The following ZFAT variants were observed in gnomAD, a reference collection of about 807,000 sequenced individuals.
ZFAT encodes zinc finger protein ZFAT.
A neutral mutation model predicts 117.7 loss-of-function variants in ZFAT; 64 were observed. That is an observed-to-expected ratio of 0.54 (90% CI 0.44 to 0.67). The LOEUF (loss-of-function observed/expected upper bound fraction) is 0.67. Among genes scored for constraint, ZFAT ranks in the 30% least tolerant of loss-of-function variants. ZFAT has a pLI of 0.00. For synonymous variants in ZFAT, 679 were observed against 615.0 expected (o/e 1.10, Z -1.54); for missense variants, 1,433 against 1,584.5 (o/e 0.90, Z 1.62).
intron 1 of ZFAT, among the ~76,000 whole-genome samples, chr8:134,707,831 G>A (rs1813841826): frequency 6.6e-6 from 1 of 152,188 alleles, no homozygotes; most frequent in South Asian, 2.1e-4. Flanking sequence ...GCAGCTCCAT[G>A]TATTACATGA....
the ZFAT span, among the ~76,000 whole-genome samples, chr8:134,728,488 T>C: frequency 6.6e-6 from 1 of 152,134 alleles, no homozygotes; most frequent in Non-Finnish European, 1.5e-5. Context: ...TAGCTAATCT[T>C]CTTAGCAATC....
intron 3 of ZFAT, among the ~76,000 whole-genome samples, chr8:134,615,359 G>GT (rs888806234): frequency 6.6e-6 from 1 of 152,066 alleles, no homozygotes; most frequent in Non-Finnish European, 1.5e-5. Context: ...GCTGATTTTT[G>GT]TATTTTTTTA....
At chr8:134,480,622 T>C (rs1167441981) in intron 15 of ZFAT, among the ~76,000 whole-genome samples, 2 of 152,150 alleles carry the variant, frequency 1.3e-5, no homozygotes, top group Non-Finnish European at 2.9e-5. Context: ...CCTATGCCAG[T>C]TGGGGTCCCA....
At chr8:134,575,843 C>T (rs1825259039) in intron 10 of ZFAT, among the ~76,000 whole-genome samples, 1 of 152,364 alleles carries the variant, frequency 6.6e-6, no homozygotes, top group Admixed American at 6.5e-5. Flanking sequence ...CTTCACAGTT[C>T]TAGCATCTGT....
intron 10 of ZFAT, among the ~76,000 whole-genome samples, chr8:134,566,915 C>A (rs890919030): frequency 1.3e-5 from 2 of 152,152 alleles, no homozygotes; most frequent in African/African-American, 4.8e-5. Context: ...TTCTGAGTAC[C>A]CCTGAGGCAT....
At chr8:134,619,740 G>T (rs1303575385) in intron 3 of ZFAT, among the ~76,000 whole-genome samples, 1 of 152,184 alleles carries the variant, frequency 6.6e-6, no homozygotes, top group Non-Finnish European at 1.5e-5. Context: ...AGCCACTCAG[G>T]ACGCTGCACA....
chr8:134,623,104 A>C (rs1436305106), intron 3 of ZFAT, among the ~76,000 whole-genome samples: 1 of 151,348 alleles, frequency 6.6e-6, no homozygotes, highest in Non-Finnish European at 1.5e-5. Flanking sequence ...CTCCATTCCC[A>C]TTTTCATTCC....
intron 5 of ZFAT, among the ~76,000 whole-genome samples, chr8:134,605,478 G>A (rs1353508894): frequency 6.6e-6 from 1 of 151,766 alleles, no homozygotes; most frequent in Admixed American, 6.6e-5. Flanking sequence ...CCCAGGGGGT[G>A]GAGCTTGCAG....
intron 5 of ZFAT, among the ~76,000 whole-genome samples, chr8:134,603,140 G>A (rs1668731652): frequency 6.6e-6 from 1 of 152,200 alleles, no homozygotes; most frequent in Non-Finnish European, 1.5e-5. Context: ...TTGGGGGAGG[G>A]AGGACAGGTT....
At chr8:134,730,290 G>A in the ZFAT span, among the ~76,000 whole-genome samples, 1 of 152,232 alleles carries the variant, frequency 6.6e-6, no homozygotes, top group South Asian at 2.1e-4. Flanking sequence ...CAGCTACCCT[G>A]CAGCTTGCAG....
At chr8:134,624,115 C>T (rs1404076138) in intron 3 of ZFAT, among the ~76,000 whole-genome samples, 1 of 152,008 alleles carries the variant, frequency 6.6e-6, no homozygotes, top group African/African-American at 2.4e-5. Flanking sequence ...TCATGAATGA[C>T]CCACAGGAGG....
chr8:134,664,154 A>C (rs1586915254), intron 1 of ZFAT, among the ~76,000 whole-genome samples: 5 of 147,208 alleles, frequency 3.4e-5, no homozygotes, highest in South Asian at 2.2e-4. Flanking sequence ...CCCTATGAAC[A>C]CTCCCTCATT....
At chr8:134,708,630 T>A (rs1813872345) in intron 1 of ZFAT, among the ~76,000 whole-genome samples, 1 of 152,186 alleles carries the variant, frequency 6.6e-6, no homozygotes, top group South Asian at 2.1e-4. Flanking sequence ...CTATTTTGTT[T>A]TGCTCTGCTT....
chr8:134,652,056 G>A (rs945407037), intron 2 of ZFAT, among the ~76,000 whole-genome samples: 6 of 152,100 alleles, frequency 3.9e-5, no homozygotes, highest in Admixed American at 2.0e-4. Flanking sequence ...GGTGGCTCAC[G>A]CCTCTAATCC....
chr8:134,684,436 C>G (rs562423041), intron 1 of ZFAT, among the ~76,000 whole-genome samples: 2 of 152,218 alleles, frequency 1.3e-5, no homozygotes, highest in South Asian at 2.1e-4. Context: ...GATCCCCAGA[C>G]AGCTTGGGCC....
chr8:134,771,071 T>A, the ZFAT span, among the ~76,000 whole-genome samples: 1 of 152,220 alleles, frequency 6.6e-6, no homozygotes, highest in East Asian at 1.9e-4. Context: ...CCTTGTGATA[T>A]TCTAATACCC....
intron 11 of ZFAT, among the ~76,000 whole-genome samples, chr8:134,564,650 T>C (rs1824295279): frequency 6.6e-6 from 1 of 152,232 alleles, no homozygotes; most frequent in Non-Finnish European, 1.5e-5. Context: ...ATGATTCCTT[T>C]CCATGTGTGC....
At chr8:134,808,229 G>C in the ZFAT span, among the ~76,000 whole-genome samples, 2 of 152,290 alleles carry the variant, frequency 1.3e-5, no homozygotes, top group South Asian at 4.2e-4. Flanking sequence ...GCTAGGCCCT[G>C]GGAGAAACAA....
chr8:134,658,716 G>T (rs1831774824), intron 1 of ZFAT, among the ~76,000 whole-genome samples: 1 of 152,166 alleles, frequency 6.6e-6, no homozygotes, highest in South Asian at 2.1e-4. Flanking sequence ...TTAAAAGCCA[G>T]ATCTTTGTAT....
Sources: gnomAD v4.1 joint callset for allele counts (sites outside exome capture counted in the v4.1 genomes callset) on GRCh38, gnomAD v4.1.1 for gene constraint, MANE v1.5 for transcripts, NCBI Gene and HGNC (gene_info 2026-07-23, HGNC 2026-07-21) for gene names.